Variants in DISC1 observed in about 807,000 individuals in gnomAD.
The protein encoded by DISC1 is DISC1 scaffold protein, also known as disrupted in schizophrenia 1 protein.
In DISC1, 57 loss-of-function variants were observed where a neutral mutation model predicts 84.5. The observed-to-expected ratio is 0.67, with a 90% confidence interval of 0.55 to 0.84. The LOEUF is 0.84. DISC1 is among the 40% of genes least tolerant of loss of function. The pLI is 0.00. For missense variants in DISC1, 1,000 were observed against 1,057.8 expected (o/e 0.95, Z 0.76); for synonymous variants, 411 against 415.2 (o/e 0.99, Z 0.12).
intron 9 of DISC1, among the ~76,000 whole-genome samples, chr1:231,948,472 G>A (rs1284430993): frequency 6.6e-6 from 1 of 152,108 alleles, no homozygotes; most frequent in Non-Finnish European, 1.5e-5. Context: ...GGGGGCTCGG[G>A]AAGGGATAGC....
At chr1:231,749,757 T>C (rs1431552685) in intron 3 of DISC1, among the ~76,000 whole-genome samples, 169 bp from the exon 4 acceptor site, 1 of 152,164 alleles carries the variant, frequency 6.6e-6, no homozygotes, top group Non-Finnish European at 1.5e-5. Flanking sequence ...CAAAGAAGAT[T>C]CTTAGAAGTA....
Position 231,855,435 on chromosome 1 carries a change from A to T in DISC1, c.1981+36918A>T, listed in dbSNP as rs906514194. On this transcript the variant is annotated intron_variant, in intron 9 of 12. Transcript: ENST00000439617. ...AGAATGTTCCCCATTTGATGCAAGCAGTTAAACTTAATTTCCATTAAGACA... is the reference window on the plus strand; with the variant it reads ...AGAATGTTCCCCATTTGATGCAAGCTGTTAAACTTAATTTCCATTAAGACA... 8.0e-5 allele frequency: 79 copies of T among 984,854 alleles called. 1 individual carries two copies. The highest frequency in any genetic ancestry group is 4.1e-5 in the Non-Finnish European group (34 of 829,466). The allele number at this position is 984,854 out of a possible 1,614,324, so 61.0% of individuals were successfully genotyped here. A position where few individuals can be genotyped will look rare whatever the true frequency, so the allele number is the denominator to read the frequency against.
At position 231,657,131 on chromosome 1, in the gene DISC1, T is replaced by C. The variant is rs144643056; in HGVS notation, c.67+30197T>C. Among the ~76,000 whole-genome samples, 111 of 152,374 alleles carry C rather than the reference T, an allele frequency of 7.3e-4. 1 individual carries two copies. The highest frequency in any genetic ancestry group is 2.5e-3 in the African/African-American group (106 of 41,598). Reference sequence around the variant, plus strand: ...TGTATCTTTATAACACAATGATTTATATTTTTTGGGGTGTATACCCCGTAA... The same window carrying C: ...TGTATCTTTATAACACAATGATTTACATTTTTTGGGGTGTATACCCCGTAA... On this transcript the variant is annotated intron_variant, in intron 1 of 12. Coordinates refer to ENST00000439617, the MANE Select transcript of DISC1 (RefSeq NM_018662.3).
In DISC1 at chr1:231,698,745, T is replaced by G. The variant is rs1047623501; in HGVS notation, c.1048-3210T>G. On this transcript the variant is annotated intron_variant, in intron 2 of 12. Coordinates refer to ENST00000439617, the MANE Select transcript of DISC1 (RefSeq NM_018662.3). The surrounding 1 kb of genome is among the most constrained non-coding windows in gnomAD (Gnocchi z 4.9). Reference sequence around the variant, plus strand: ...ATGTTTAATGATACCATCATTTGGGTGTGGCGATGGTAATGCTATAGCTTT... The same window carrying G: ...ATGTTTAATGATACCATCATTTGGGGGTGGCGATGGTAATGCTATAGCTTT... Among the ~76,000 whole-genome samples the G allele has an allele frequency of 1.3e-5, 2 of 152,190 alleles. No homozygotes were observed. Among genetic ancestry groups the G allele is most frequent in the African/African-American group, 4.8e-5 (2 of 41,434 alleles).
rs59816698 is a variant in DISC1, at chr1:231,860,337, AT to A, written c.1981+41829del. Among the ~76,000 whole-genome samples, 1,502 of 151,722 alleles carry A rather than the reference AT, an allele frequency of 9.9e-3. 29 individuals are homozygous for A. The highest frequency in any genetic ancestry group is 0.034 in the African/African-American group (1,422 of 41,376). On this transcript the variant is annotated intron_variant, in intron 9 of 12. Transcript: ENST00000439617. ...GGACAAGAACTGTTTTAGATCTAGG[AT>A]TTTTTTTTGAATATTTGCTTATTTA...
At chr1:231,971,776 T>G (rs1661991786) in intron 10 of DISC1, among the ~76,000 whole-genome samples, 2 of 152,224 alleles carry the variant, frequency 1.3e-5, no homozygotes, top group African/African-American at 4.8e-5. Context: ...TGAGAGAATT[T>G]TATGTGATCG....
intron 9 of DISC1, among the ~76,000 whole-genome samples, chr1:231,819,990 C>G (rs1396373564): frequency 6.6e-6 from 1 of 152,112 alleles, no homozygotes; most frequent in Non-Finnish European, 1.5e-5. Context: ...CGTCACTTCA[C>G]TAAGTATTTT....
chr1:232,037,975 A>AACAGTGCAGTACTC lies in DISC1; in HGVS notation c.*1145_*1146insCAGTGCAGTACTCA, dbSNP rs1670627685. On this transcript the variant is annotated 3_prime_UTR_variant, in exon 13 of 13. Coordinates refer to ENST00000439617, the MANE Select transcript of DISC1 (RefSeq NM_018662.3). ...ACTCAGTAACAGTGCAGTACTCAGT[A>AACAGTGCAGTACTC]AGGCAGTGCAGTACTCAGTAACACA... is the stretch of plus-strand genomic sequence containing the variant. The AACAGTGCAGTACTC allele has an allele frequency of 2.7e-5, 3 of 112,796 alleles. No homozygotes were observed. The highest frequency in any genetic ancestry group is 2.6e-4 in the East Asian group (1 of 3,810). 7.0% of individuals were successfully genotyped at this position (112,796 alleles called of 1,614,324 possible). A position where few individuals can be genotyped will look rare whatever the true frequency, so the allele number is the denominator to read the frequency against.
chr1:231,985,369 G>GTAGTACCCC (rs1260025610), intron 10 of DISC1, among the ~76,000 whole-genome samples: 7 of 146,566 alleles, frequency 4.8e-5, no homozygotes, highest in Non-Finnish European at 9.0e-5. Context: ...AGAAAATAAA[G>GTAGTACCCC]TAGTACCCCC....
rs79350878 is a variant in DISC1, at chr1:231,836,992, A to C, written c.1981+18475A>C. On this transcript the variant is annotated intron_variant, in intron 9 of 12. Transcript: ENST00000439617. ...TTCCCTTAATGTTTCAGGATTATTC[A>C]TTCTATTTTGCCACATCTAATGTAA... Among the ~76,000 whole-genome samples, 202 of 152,304 alleles carry C rather than the reference A, an allele frequency of 1.3e-3. 1 individual carries two copies. Among genetic ancestry groups the C allele is most frequent in the African/African-American group, 4.6e-3 (193 of 41,576 alleles).
chr1:231,927,522 C>G (rs188693138), intron 9 of DISC1, among the ~76,000 whole-genome samples: 1 of 152,308 alleles, frequency 6.6e-6, no homozygotes, highest in East Asian at 1.9e-4. Flanking sequence ...GTAGTTCTCT[C>G]TTTGTGAAAG....
In DISC1 at chr1:231,773,529, C is replaced by A. The variant is rs1187059585; in HGVS notation, c.1634+2459C>A. 2.0e-5 allele frequency among the ~76,000 whole-genome samples: 3 copies of A among 152,050 alleles called. No individual in the cohort carries two copies. In the East Asian group the frequency reaches 5.8e-4, roughly 29 times the overall value. ...CCTCCTGAGTAGCTGGGACTACAGGCTTGTGCCAGCACACCCAGCTAATTT... is the reference window on the plus strand; with the variant it reads ...CCTCCTGAGTAGCTGGGACTACAGGATTGTGCCAGCACACCCAGCTAATTT... On this transcript the variant is annotated intron_variant, in intron 6 of 12. Transcript: ENST00000439617.
At chr1:231,634,037 C>T (rs2058977100) in intron 1 of DISC1, among the ~76,000 whole-genome samples, 1 of 152,108 alleles carries the variant, frequency 6.6e-6, no homozygotes, top group Non-Finnish European at 1.5e-5. Context: ...GCATGCCCCA[C>T]CACGTGCAGC....
chr1:231,646,503 C>CATA (rs1390310804), intron 1 of DISC1, among the ~76,000 whole-genome samples: 1 of 152,090 alleles, frequency 6.6e-6, no homozygotes, highest in African/African-American at 2.4e-5. Context: ...GATTTATAAT[C>CATA]CTTTGGGTAT....
At chr1:231,756,559 G>GAGAGAGAC in intron 4 of DISC1, among the ~76,000 whole-genome samples, 1 of 130,628 alleles carries the variant, frequency 7.7e-6, no homozygotes, top group African/African-American at 2.7e-5. Flanking sequence ...GAGAGAGAGA[G>GAGAGAGAC]AGAGACTGAC....
intron 9 of DISC1, among the ~76,000 whole-genome samples, chr1:231,877,619 T>C (rs1201503250): frequency 2.6e-5 from 4 of 152,238 alleles, no homozygotes; most frequent in Non-Finnish European, 5.9e-5. Flanking sequence ...TTCTGGTTCC[T>C]CTTCCCATTG....
At chr1:231,952,983 T>C (rs1223702076) in intron 9 of DISC1, among the ~76,000 whole-genome samples, 1 of 152,120 alleles carries the variant, frequency 6.6e-6, no homozygotes, top group Non-Finnish European at 1.5e-5. Context: ...TTATATGAAG[T>C]TGAAGTCATG....
At chr1:231,763,253 G>A (rs1324874910) in intron 4 of DISC1, among the ~76,000 whole-genome samples, 1 of 152,182 alleles carries the variant, frequency 6.6e-6, no homozygotes, top group Non-Finnish European at 1.5e-5. Context: ...GACCCACCGG[G>A]ACTCGGTTTC....
intron 2 of DISC1, among the ~76,000 whole-genome samples, chr1:231,695,597 G>A (rs931034130): frequency 2.7e-5 from 4 of 150,718 alleles, no homozygotes; most frequent in African/African-American, 9.8e-5. Context: ...GTGTGTGTAT[G>A]TGTGTGCATG....
Sources: gnomAD v4.1 joint callset for allele counts (sites outside exome capture counted in the v4.1 genomes callset) on GRCh38, gnomAD v4.1.1 for gene constraint, Gnocchi (gnomAD v3.1) non-coding constraint, MANE v1.5 for transcripts, NCBI Gene and HGNC (gene_info 2026-07-23, HGNC 2026-07-21) for gene names.